DLGAP1: variants seen among roughly 807,000 people sequenced by gnomAD.
DLGAP1 encodes disks large-associated protein 1.
A neutral mutation model predicts 90.8 loss-of-function variants in DLGAP1; 11 were observed. That is an observed-to-expected ratio of 0.12 (90% CI 0.08 to 0.20). The LOEUF is 0.20. Ranked by LOEUF, DLGAP1 falls within the 10% of genes least tolerant of loss-of-function variation. The probability of loss-of-function intolerance (pLI) is 1.00; values close to 1 mark genes in which losing one functional copy is unlikely to be tolerated. For synonymous variants in DLGAP1, 558 were observed against 540.7 expected (o/e 1.03, Z -0.44); for missense variants, 1,050 against 1,333.8 (o/e 0.79, Z 3.31).
chr18:3,909,992 T>G (rs1445053832), intron 3 of DLGAP1, among the ~76,000 whole-genome samples: 1 of 151,980 alleles, frequency 6.6e-6, no homozygotes, highest in Admixed American at 6.6e-5. Context: ...TCATTTCTTA[T>G]GGGTTCAATG....
chr18:3,848,733 G>T (rs1054802199), intron 4 of DLGAP1, among the ~76,000 whole-genome samples: 1 of 151,972 alleles, frequency 6.6e-6, no homozygotes, highest in Non-Finnish European at 1.5e-5. Context: ...TGGAATCTCC[G>T]GAAACCACCC....
intron 1 of DLGAP1, among the ~76,000 whole-genome samples, chr18:4,164,867 T>A (rs1208590342): frequency 6.6e-6 from 1 of 151,990 alleles, no homozygotes; most frequent in Non-Finnish European, 1.5e-5. Flanking sequence ...AGAACCTTGG[T>A]AGATGGACTC....
intron 11 of DLGAP1, among the ~76,000 whole-genome samples, chr18:3,505,675 A>G (rs1213494619): frequency 4.8e-5 from 7 of 146,886 alleles, no homozygotes; most frequent in African/African-American, 1.8e-4. Flanking sequence ...TATCAACTCC[A>G]TGTGTTCTTT....
At chr18:3,764,862 T>C (rs187432769) in intron 5 of DLGAP1, among the ~76,000 whole-genome samples, 14 of 152,292 alleles carry the variant, frequency 9.2e-5, no homozygotes, top group African/African-American at 3.4e-4. Flanking sequence ...TGGTTTTTGT[T>C]CTAGGTTGAG....
chr18:4,148,520 C>G (rs1254872237), intron 2 of DLGAP1, among the ~76,000 whole-genome samples: 1 of 152,152 alleles, frequency 6.6e-6, no homozygotes, highest in Non-Finnish European at 1.5e-5. Context: ...TGAGAAGACA[C>G]AGTAATTTTT....
chr18:4,206,924 A>G (rs1336638899), intron 1 of DLGAP1, among the ~76,000 whole-genome samples: 3 of 152,172 alleles, frequency 2.0e-5, no homozygotes, highest in Admixed American at 2.0e-4. Flanking sequence ...GAGCAATTGA[A>G]TATGTTTAAA....
intron 7 of DLGAP1, among the ~76,000 whole-genome samples, chr18:3,698,513 C>T (rs1156428346): frequency 6.6e-6 from 1 of 152,178 alleles, no homozygotes; most frequent in Non-Finnish European, 1.5e-5. Flanking sequence ...GAATATTAGC[C>T]TCCACTGTCT....
intron 1 of DLGAP1, among the ~76,000 whole-genome samples, chr18:4,373,418 G>A (rs1435428876): frequency 6.6e-6 from 1 of 152,150 alleles, no homozygotes. Context: ...GGCATCAAAG[G>A]AAGCTCCTAG....
At chr18:3,737,755 T>A (rs2062714082) in intron 6 of DLGAP1, among the ~76,000 whole-genome samples, 2 of 131,510 alleles carry the variant, frequency 1.5e-5, no homozygotes, top group South Asian at 2.8e-4. Flanking sequence ...TTCAACATAG[T>A]GTTGGAAGTT....
At chr18:3,941,376 C>G (rs1003000281) in intron 3 of DLGAP1, among the ~76,000 whole-genome samples, 26 of 152,104 alleles carry the variant, frequency 1.7e-4, no homozygotes, top group Non-Finnish European at 3.1e-4. Flanking sequence ...GGATGTGTGA[C>G]CCCTTCCAGG....
Position 4,267,495 on chromosome 18 carries a change from C to T in DLGAP1, c.-266-116208G>A, listed in dbSNP as rs200403275. Among the ~76,000 whole-genome samples, 6 of 152,158 alleles carry T rather than the reference C, an allele frequency of 3.9e-5. No homozygotes were observed. The East Asian group carries it at 1.2e-3, about 29-fold the overall frequency. ...CCACCTCCATTTGTTTTAACAAACA[C>T]AAGAATTAGAAGATATGTGAGTAAT... On this transcript the variant is annotated intron_variant, in intron 1 of 12. Coordinates refer to ENST00000315677, the MANE Select transcript of DLGAP1 (RefSeq NM_004746.4).
intron 1 of DLGAP1, among the ~76,000 whole-genome samples, chr18:4,374,739 G>T (rs9948574): frequency 8.2e-4 from 125 of 152,038 alleles, no homozygotes; most frequent in African/African-American, 2.8e-3. Flanking sequence ...CCAGTAAAAA[G>T]GTAAATGTTA....
At chr18:4,305,441 G>A (rs1270795846) in intron 1 of DLGAP1, among the ~76,000 whole-genome samples, 4 of 150,530 alleles carry the variant, frequency 2.7e-5, no homozygotes, top group Non-Finnish European at 5.9e-5. Context: ...GGCTGAGGCA[G>A]GAGAATTGCT....
intron 3 of DLGAP1, among the ~76,000 whole-genome samples, chr18:3,897,833 G>A (rs2071668767): frequency 7.2e-6 from 1 of 139,188 alleles, no homozygotes; most frequent in Non-Finnish European, 1.5e-5. Flanking sequence ...TGTCGCCCAG[G>A]CCGGACTGCG....
chr18:4,109,444 G>A (rs1480021374), intron 2 of DLGAP1, among the ~76,000 whole-genome samples: 1 of 152,138 alleles, frequency 6.6e-6, no homozygotes, highest in Non-Finnish European at 1.5e-5. Context: ...GCACTTCACA[G>A]GGTGACTGGA....
At chr18:4,288,344 AT>A (rs2079756311) in intron 1 of DLGAP1, among the ~76,000 whole-genome samples, 1 of 152,154 alleles carries the variant, frequency 6.6e-6, no homozygotes, top group African/African-American at 2.4e-5. Flanking sequence ...AGGAGTTTCA[AT>A]TAACAAGTCA....
intron 1 of DLGAP1, among the ~76,000 whole-genome samples, chr18:4,197,280 A>G (rs893207703): frequency 1.3e-5 from 2 of 152,132 alleles, no homozygotes; most frequent in African/African-American, 4.8e-5. Context: ...AAATATAGAA[A>G]AAAGTACAGA....
chr18:3,672,659 G>A lies in DLGAP1; in HGVS notation c.1591+56476C>T, dbSNP rs375108171. Reference sequence around the variant, plus strand: ...CCCAGGAGTGTTTAAGACTTTTAGAGACTACTCACAACTAAGTTCTAGTTC... The same window carrying A: ...CCCAGGAGTGTTTAAGACTTTTAGAAACTACTCACAACTAAGTTCTAGTTC... On this transcript the variant is annotated intron_variant, in intron 7 of 12. Transcript: ENST00000315677. 1.2e-3 allele frequency among the ~76,000 whole-genome samples: 175 copies of A among 146,036 alleles called. 3 individuals are homozygous for A. In the South Asian group the frequency reaches 0.037, roughly 31 times the overall value.
chr18:3,577,552 A>T (rs556437592), intron 8 of DLGAP1, among the ~76,000 whole-genome samples: 1 of 152,184 alleles, frequency 6.6e-6, no homozygotes, highest in Non-Finnish European at 1.5e-5. Context: ...CAGAAGACGC[A>T]TGGTAGTTAT....
Sources: gnomAD v4.1 joint callset for allele counts (sites outside exome capture counted in the v4.1 genomes callset) on GRCh38, gnomAD v4.1.1 for gene constraint, MANE v1.5 for transcripts, NCBI Gene and HGNC (gene_info 2026-07-23, HGNC 2026-07-21) for gene names.